TRAF3: variants seen among roughly 807,000 people sequenced by gnomAD.
The protein encoded by TRAF3 is TNF receptor-associated factor 3.
In TRAF3, 13 loss-of-function variants were observed where a neutral mutation model predicts 62.3. The observed-to-expected ratio is 0.21, with a 90% CI of 0.14 to 0.33. The LOEUF is 0.33. Ranked by LOEUF, TRAF3 falls within the 10% of genes least tolerant of loss-of-function variation. TRAF3 has a pLI of 1.00. For missense variants in TRAF3, 440 were observed against 741.8 expected (o/e 0.59, Z 4.73); for synonymous variants, 269 against 283.4 (o/e 0.95, Z 0.51).
At chr14:102,787,125 A>G (rs1341746886) in intron 1 of TRAF3, among the ~76,000 whole-genome samples, 1 of 152,210 alleles carries the variant, frequency 6.6e-6, no homozygotes, top group East Asian at 1.9e-4. Flanking sequence ...CTTATTAGCA[A>G]TGTGGATGAC....
chr14:102,809,572 G>A (rs184511605), intron 1 of TRAF3, among the ~76,000 whole-genome samples: 20 of 111,172 alleles, frequency 1.8e-4, no homozygotes, highest in Non-Finnish European at 2.8e-4. Context: ...TTGCTCTGTT[G>A]CCCAGGCTGG....
chr14:102,866,255 A>G (rs1172964043), intron 2 of TRAF3, among the ~76,000 whole-genome samples: 1 of 152,198 alleles, frequency 6.6e-6, no homozygotes, highest in Non-Finnish European at 1.5e-5. Flanking sequence ...AGGGAGGGGA[A>G]CATCACACAC....
chr14:102,801,757 A>G (rs1267496114), intron 1 of TRAF3, among the ~76,000 whole-genome samples: 1 of 151,936 alleles, frequency 6.6e-6, no homozygotes, highest in Non-Finnish European at 1.5e-5. Context: ...AGTGGCTCAC[A>G]TCTGTAATCC....
At chr14:102,855,510 T>C (rs2139753055) in intron 2 of TRAF3, among the ~76,000 whole-genome samples, 1 of 152,126 alleles carries the variant, frequency 6.6e-6, no homozygotes, top group East Asian at 1.9e-4. Flanking sequence ...TTAAAAAAAT[T>C]ATAGGCCAGG....
chr14:102,798,324 T>C (rs573088846), intron 1 of TRAF3, among the ~76,000 whole-genome samples: 1 of 151,300 alleles, frequency 6.6e-6, no homozygotes, highest in South Asian at 2.1e-4. Context: ...CAGTCTCAAG[T>C]GATCCTCACT....
chr14:102,856,732 C>G (rs955980087), intron 2 of TRAF3, among the ~76,000 whole-genome samples: 5 of 152,100 alleles, frequency 3.3e-5, no homozygotes, highest in Non-Finnish European at 7.3e-5. Context: ...TCCCCCCTCC[C>G]TTTTACAGCA....
intron 2 of TRAF3, among the ~76,000 whole-genome samples, chr14:102,845,539 G>A (rs1361725193): frequency 1.4e-5 from 2 of 144,880 alleles, no homozygotes; most frequent in African/African-American, 5.2e-5. Flanking sequence ...TTTTCAAGAC[G>A]GAGTCTCCCT....
intron 1 of TRAF3, among the ~76,000 whole-genome samples, chr14:102,778,706 G>A (rs1176322041): frequency 6.6e-6 from 1 of 152,148 alleles, no homozygotes; most frequent in Non-Finnish European, 1.5e-5. Flanking sequence ...CTGAAGAGGA[G>A]CCATTATTTA....
intron 2 of TRAF3, among the ~76,000 whole-genome samples, chr14:102,839,100 A>G (rs1053584522): frequency 1.3e-5 from 2 of 151,392 alleles, no homozygotes; most frequent in African/African-American, 2.4e-5. Flanking sequence ...CCCTCCTGGC[A>G]TATTGATGAG....
At chr14:102,816,342 G>A (rs2139550466) in intron 1 of TRAF3, among the ~76,000 whole-genome samples, 1 of 152,044 alleles carries the variant, frequency 6.6e-6, no homozygotes, top group South Asian at 2.1e-4. Context: ...AGCTCAAGCA[G>A]TCCACCCTCC....
Position 102,881,239 on chromosome 14 carries a change from C to T in TRAF3, c.570+4714C>T, listed in dbSNP as rs546164853. On this transcript the variant is annotated intron_variant, in intron 6 of 11. Transcript: ENST00000392745. Reference sequence around the variant, plus strand: ...TCTCTACTTAAAATACAAAAATTAGCTGGGCATGGTAACACATGCCTGTAA... The same window carrying T: ...TCTCTACTTAAAATACAAAAATTAGTTGGGCATGGTAACACATGCCTGTAA... 1.2e-4 allele frequency among the ~76,000 whole-genome samples: 18 copies of T among 151,992 alleles called. No homozygotes were observed. The South Asian group carries it at 3.3e-3, about 28-fold the overall frequency.
At chr14:102,828,838 G>A (rs1477345966) in intron 1 of TRAF3, among the ~76,000 whole-genome samples, 1 of 152,160 alleles carries the variant, frequency 6.6e-6, no homozygotes. Context: ...TTTGCTAAAC[G>A]TAGTTGGTTT....
At chr14:102,897,524 A>G in intron 10 of TRAF3, 123 bp downstream of exon 10, 1 of 1,304,246 alleles carries the variant, frequency 7.7e-7, no homozygotes, top group Non-Finnish European at 1.1e-6. Flanking sequence ...AAGGCAACTG[A>G]TTTCTCTGGC....
rs960284827 is a variant in TRAF3 at position 102,908,722 on chromosome 14, A to C, written c.*2938A>C. 6 of 152,008 alleles carry C rather than the reference A, an allele frequency of 3.9e-5. No individual in the cohort carries two copies. The highest frequency in any genetic ancestry group is 1.5e-4 in the African/African-American group (6 of 41,326). 9.4% of individuals were successfully genotyped at this position (152,008 alleles called of 1,614,324 possible). ...GCTGCTCAGTACTTTACAGAAACCA[A>C]CTGAGTCGTTTGTGCATGAATTAAG... On this transcript the variant is annotated 3_prime_UTR_variant, in exon 12 of 12. Transcript: ENST00000392745.
intron 7 of TRAF3, among the ~76,000 whole-genome samples, chr14:102,888,141 T>A (rs1454462863): frequency 6.6e-6 from 1 of 152,224 alleles, no homozygotes; most frequent in African/African-American, 2.4e-5. Flanking sequence ...GTAATAGCGT[T>A]GACACTCAGG....
chr14:102,799,639 T>C (rs1375722053), intron 1 of TRAF3, among the ~76,000 whole-genome samples: 1 of 152,092 alleles, frequency 6.6e-6, no homozygotes, highest in Non-Finnish European at 1.5e-5. Flanking sequence ...TTAGTAGAGA[T>C]GGGGTTTCAC....
chr14:102,895,499 C>T (rs576347347), intron 9 of TRAF3, among the ~76,000 whole-genome samples: 5 of 152,310 alleles, frequency 3.3e-5, no homozygotes, highest in South Asian at 4.1e-4. Context: ...GAGATGCCCT[C>T]GGGCCATCAC....
intron 1 of TRAF3, among the ~76,000 whole-genome samples, chr14:102,806,745 T>TGG (rs1392613300): frequency 6.6e-6 from 1 of 151,948 alleles, no homozygotes; most frequent in Non-Finnish European, 1.5e-5. Context: ...CTGGCAGGGC[T>TGG]GGGGGGAGGT....
intron 4 of TRAF3, 95 bp from the exon 5 acceptor site, chr14:102,875,528 GT>G (rs5811085): frequency 6.0e-3 from 4,978 of 831,170 alleles, no homozygotes; most frequent in Middle Eastern, 7.2e-3. Context: ...TTCCTCTCTT[GT>G]TTTTTTTTTT....
Sources: allele counts gnomAD v4.1 joint callset (sites outside exome capture counted in the v4.1 genomes callset), GRCh38; gene constraint gnomAD v4.1.1; transcripts MANE v1.5; gene names NCBI Gene and HGNC (gene_info 2026-07-23, HGNC 2026-07-21).